Variants in SPATA7 observed in about 807,000 individuals in gnomAD.
SPATA7 encodes the protein spermatogenesis associated 7, also known as spermatogenesis-associated protein 7.
A neutral mutation model predicts 51.8 loss-of-function variants in SPATA7; 43 were observed. That is an observed-to-expected ratio of 0.83 (90% confidence interval 0.65 to 1.07). The LOEUF (loss-of-function observed/expected upper bound fraction) is 1.07. Among genes scored for constraint, SPATA7 ranks in the 50% least tolerant of loss-of-function variants. The pLI, the probability that SPATA7 is intolerant of heterozygous loss-of-function variation, is 0.00. For synonymous variants in SPATA7, 230 were observed against 252.8 expected (o/e 0.91, Z 0.86); for missense variants, 683 against 701.3 (o/e 0.97, Z 0.30).
chr14:88,453,088 A>G (rs867421052), intron 3 of SPATA7, among the ~76,000 whole-genome samples: 37 of 152,166 alleles, frequency 2.4e-4, no homozygotes, highest in African/African-American at 8.4e-4. Flanking sequence ...GTCTTACTAC[A>G]TGAGTTTTAT....
In SPATA7 at chr14:88,432,956, C is replaced by T. The variant is rs558730904; in HGVS notation, c.1083-179C>T. 2.8e-3 allele frequency: 1,640 copies of T among 579,410 alleles called. 4 individuals are homozygous for T. The highest frequency in any genetic ancestry group is 4.1e-3 in the Non-Finnish European group (1,365 of 330,110). 35.9% of individuals were successfully genotyped at this position (579,410 alleles called of 1,614,324 possible). A position where few individuals can be genotyped will look rare whatever the true frequency, so the allele number is the denominator to read the frequency against. On this transcript the variant is annotated intron_variant, in intron 9 of 11. Coordinates refer to ENST00000393545, the MANE Select transcript of SPATA7 (RefSeq NM_018418.5). ...GTCATCACCTTTAGTAAATATTTAT[C>T]CTTGCATAATTTGAGAAGGTAGACA... is the stretch of plus-strand genomic sequence containing the variant.
chr14:88,413,712 A>G (rs1047768072), intron 4 of SPATA7, among the ~76,000 whole-genome samples: 1 of 150,460 alleles, frequency 6.6e-6, no homozygotes, highest in African/African-American at 2.4e-5. Flanking sequence ...ATTTTGAGGT[A>G]TGTTCTTTTG....
chr14:88,467,009 C>CA (rs1445537550), intron 4 of SPATA7: 1 of 152,166 alleles, frequency 6.6e-6, no homozygotes, highest in Non-Finnish European at 1.5e-5. Context: ...CGGAGTAAGT[C>CA]ACTGGCGGTC....
At chr14:88,399,747 G>A (rs909368675) in intron 4 of SPATA7, among the ~76,000 whole-genome samples, 1 of 152,112 alleles carries the variant, frequency 6.6e-6, no homozygotes, top group African/African-American at 2.4e-5. Context: ...GACAATGACA[G>A]CCATTATATA....
chr14:88,438,059 G>T lies in SPATA7; in HGVS notation c.1437G>T (p.Lys479Asn). ...TGGATATGTTATTGTCGGCACCAAA[G>T]GATGAGAACGAGATATTCCCTTCAC... ...KALDMLLSAP[K>N]DENEIFPSPT... Residue 479 changes from lysine (K) to asparagine (N), a missense_variant, in exon 12 of 12, where the codon AAG becomes AAT. Physicochemically the swap from Lys to Asn is moderately conservative, Grantham distance 94. Coordinates refer to ENST00000393545, the MANE Select transcript of SPATA7 (RefSeq NM_018418.5). 6.2e-7 allele frequency: 1 copy of T among 1,614,050 alleles called. No individual in the cohort carries two copies. Among genetic ancestry groups the T allele is most frequent in the East Asian group, 2.2e-5 (1 of 44,856 alleles).
At chr14:88,463,927 A>G (rs2077334617) in intron 4 of SPATA7, among the ~76,000 whole-genome samples, 1 of 151,860 alleles carries the variant, frequency 6.6e-6, no homozygotes, top group Non-Finnish European at 1.5e-5. Context: ...GGCTCACTGC[A>G]ACCTCTGCCT....
At chr14:88,456,274 T>C (rs1162272609), downstream of SPATA7, among the ~76,000 whole-genome samples, 2 of 152,182 alleles carry the variant, frequency 1.3e-5, no homozygotes, top group Non-Finnish European at 2.9e-5. Flanking sequence ...ATATTTCTAG[T>C]TCTAGATCCC....
At chr14:88,468,787 A>G in intron 4 of SPATA7, 1 of 1,121,452 alleles carries the variant, frequency 8.9e-7, no homozygotes, top group South Asian at 1.4e-5. Flanking sequence ...TGCAGGGAAC[A>G]TTAGTAACAT....
intron 5 of SPATA7, among the ~76,000 whole-genome samples, chr14:88,421,662 G>T (rs1324000041): frequency 6.6e-6 from 1 of 152,008 alleles, no homozygotes; most frequent in East Asian, 1.9e-4. Context: ...TTAGAAAGTA[G>T]AATCTCGGCC....
At chr14:88,449,016 C>G (rs1379631734) in intron 3 of SPATA7, among the ~76,000 whole-genome samples, 1 of 152,050 alleles carries the variant, frequency 6.6e-6, no homozygotes, top group Non-Finnish European at 1.5e-5. Flanking sequence ...AGAACCAGCT[C>G]TTTGTTTATC....
chr14:88,412,159 T>G (rs1451031087), intron 4 of SPATA7, among the ~76,000 whole-genome samples: 3 of 152,186 alleles, frequency 2.0e-5, no homozygotes, highest in Admixed American at 2.0e-4. Flanking sequence ...TTTTATGTCT[T>G]CTTTTGATAA....
chr14:88,387,922 G>A (rs1418704134), intron 1 of SPATA7, among the ~76,000 whole-genome samples: 2 of 152,114 alleles, frequency 1.3e-5, no homozygotes, highest in Non-Finnish European at 2.9e-5. Context: ...GTATATTACT[G>A]AAAGTAACTT....
intron 4 of SPATA7, among the ~76,000 whole-genome samples, chr14:88,410,977 C>G (rs1321184134): frequency 6.6e-6 from 1 of 152,124 alleles, no homozygotes; most frequent in Non-Finnish European, 1.5e-5. Flanking sequence ...GCTGTGCCCA[C>G]AGCCACCCCT....
At chr14:88,438,484 A>T, downstream of SPATA7, 1 of 1,273,158 alleles carries the variant, frequency 7.9e-7, no homozygotes. Flanking sequence ...CCTTTTTTAA[A>T]ATGTATGTAT....
At chr14:88,402,914 G>A (rs2076100550) in intron 4 of SPATA7, among the ~76,000 whole-genome samples, 1 of 125,984 alleles carries the variant, frequency 7.9e-6, no homozygotes, top group African/African-American at 2.9e-5. Context: ...TATCTGATAA[G>A]AGGTTAATAT....
At position 88,433,168 on chromosome 14, in the gene SPATA7, A is replaced by C; in HGVS notation, c.1116A>C (p.Glu372Asp). The change falls in exon 10 of 12, where the codon GAA becomes GAC. Residue 372 changes from glutamate to aspartate, a missense_variant. Coordinates refer to ENST00000393545, the MANE Select transcript of SPATA7 (RefSeq NM_018418.5). Reference sequence around the variant, plus strand: ...AACTGTTGTATCTGAGTTTCATTGAAGATGTAACAGATGAAATTTTGAAAC... The same window carrying C: ...AACTGTTGTATCTGAGTTTCATTGACGATGTAACAGATGAAATTTTGAAAC... ...EEELLYLSFI[E>D]DVTDEILKLG... The C allele has an allele frequency of 1.2e-6, 2 of 1,611,780 alleles. No homozygotes were observed. Among genetic ancestry groups the C allele is most frequent in the Non-Finnish European group, 1.7e-6 (2 of 1,179,398 alleles).
chr14:88,427,517 A>C (rs2076828967), intron 6 of SPATA7, 113 bp from the exon 7 acceptor site: 2 of 681,952 alleles, frequency 2.9e-6, no homozygotes, highest in Admixed American at 5.4e-5. Context: ...TGTATTTTAT[A>C]AGAATAGATG....
intron 3 of SPATA7, among the ~76,000 whole-genome samples, chr14:88,452,060 G>A (rs1420197182): frequency 6.6e-6 from 1 of 152,188 alleles, no homozygotes; most frequent in East Asian, 1.9e-4. Context: ...GAATGTGAGG[G>A]AAGATCTGGG....
At chr14:88,397,742 A>C (rs1408442027) in intron 4 of SPATA7, among the ~76,000 whole-genome samples, 1 of 152,160 alleles carries the variant, frequency 6.6e-6, no homozygotes, top group Non-Finnish European at 1.5e-5. Flanking sequence ...TTCATTTTTA[A>C]ATCATCAGAC....
Sources: gnomAD v4.1 joint callset for allele counts (sites outside exome capture counted in the v4.1 genomes callset) on GRCh38, gnomAD v4.1.1 for gene constraint, MANE v1.5 for transcripts, NCBI Gene and HGNC (gene_info 2026-07-23, HGNC 2026-07-21) for gene names.